The following UBE3D variants were observed in gnomAD, a reference collection of about 807,000 sequenced individuals.
UBE3D encodes E3 ubiquitin-protein ligase E3D.
In UBE3D, 48 loss-of-function variants were observed where a neutral mutation model predicts 49.6. The ratio of observed to expected loss-of-function variants is 0.97; its 90% CI spans 0.77 to 1.23. The LOEUF is 1.23. Ranked by LOEUF, UBE3D falls within the 50% of genes most tolerant of loss-of-function variation. The pLI is 0.00. For synonymous variants in UBE3D, 189 were observed against 174.2 expected (o/e 1.08, Z -0.67); for missense variants, 452 against 468.4 (o/e 0.96, Z 0.32).
At chr6:82,902,195 G>A (rs149756364) in intron 9 of UBE3D, among the ~76,000 whole-genome samples, 1 of 152,154 alleles carries the variant, frequency 6.6e-6, no homozygotes, top group Non-Finnish European at 1.5e-5. Context: ...CTGAGGAGGG[G>A]ACTATGAGAG....
At chr6:82,956,874 T>A (rs935837186) in intron 9 of UBE3D, among the ~76,000 whole-genome samples, 2 of 152,196 alleles carry the variant, frequency 1.3e-5, no homozygotes, top group African/African-American at 2.4e-5. Context: ...ATGCCAGTAA[T>A]CCCAGCACTT....
At chr6:82,976,730 C>T (rs1251859221) in intron 8 of UBE3D, among the ~76,000 whole-genome samples, 1 of 152,172 alleles carries the variant, frequency 6.6e-6, no homozygotes, top group East Asian at 1.9e-4. Flanking sequence ...ATTTCCACTT[C>T]TTCTGAAACA....
At chr6:83,063,498 TG>T (rs1784310970) in intron 1 of UBE3D, among the ~76,000 whole-genome samples, 1 of 151,290 alleles carries the variant, frequency 6.6e-6, no homozygotes, top group South Asian at 2.1e-4. Flanking sequence ...AAGGCATTTA[TG>T]TGAGAAAGCT....
Position 82,892,912 on chromosome 6 carries a change from A to G in UBE3D, c.*110T>C. On this transcript the variant is annotated 3_prime_UTR_variant, in exon 10 of 10. Transcript: ENST00000369747. ...CTTCAATGCAATGCTCTTATCCCAT[A>G]GCTCTGGTTCTTGTCTTTGTAATTG... 1 of 1,254,476 alleles carries G rather than the reference A, an allele frequency of 8.0e-7. No homozygotes were observed. The highest frequency in any genetic ancestry group is 1.2e-6 in the Non-Finnish European group (1 of 855,590). 77.7% of individuals were successfully genotyped at this position (1,254,476 alleles called of 1,614,324 possible). A position where few individuals can be genotyped will look rare whatever the true frequency, so the allele number is the denominator to read the frequency against.
chr6:82,946,525 G>A (rs935007778), intron 9 of UBE3D, among the ~76,000 whole-genome samples: 1 of 152,070 alleles, frequency 6.6e-6, no homozygotes, highest in Non-Finnish European at 1.5e-5. Flanking sequence ...ACTTCAATCA[G>A]AAAGCAAAGA....
chr6:82,957,591 G>A, intron 8 of UBE3D, 141 bp from the exon 9 acceptor site: 2 of 1,085,538 alleles, frequency 1.8e-6, no homozygotes, highest in South Asian at 3.6e-5. Context: ...AAAATTCACA[G>A]AGAACATGTC....
chr6:82,933,891 GT>G (rs201407460), intron 9 of UBE3D, among the ~76,000 whole-genome samples: 1 of 152,132 alleles, frequency 6.6e-6, no homozygotes, highest in African/African-American at 2.4e-5. Flanking sequence ...CTAAAGCCAC[GT>G]GAGTGCCTAG....
At chr6:82,918,599 GTGTACTGTCTCCTTTGTTGCTA>G (rs995425550) in intron 9 of UBE3D, among the ~76,000 whole-genome samples, 2 of 152,124 alleles carry the variant, frequency 1.3e-5, no homozygotes, top group Admixed American at 1.3e-4. Flanking sequence ...ATAAATACTA[GTGTACTGTCTCCTTTGTTGCTA>G]TGGATTTGAA....
chr6:82,918,720 G>A (rs996360554), intron 9 of UBE3D, among the ~76,000 whole-genome samples: 6 of 150,948 alleles, frequency 4.0e-5, no homozygotes, highest in African/African-American at 1.5e-4. Flanking sequence ...ACTTACATTG[G>A]TCTTATCTGA....
rs568646569 is a variant in UBE3D at position 82,918,313 on chromosome 6, C to A, written c.1150-25271G>T. ...AACAAAAAAAAAACAAAAAAATAAA[C>A]CCTTTCATTTCCTGAATCTCATTGT... is the stretch of plus-strand genomic sequence containing the variant. On this transcript the variant is annotated intron_variant, in intron 9 of 9. Coordinates refer to ENST00000369747, the MANE Select transcript of UBE3D (RefSeq NM_198920.3). 1.5e-4 allele frequency among the ~76,000 whole-genome samples: 23 copies of A among 150,394 alleles called. No homozygotes were observed. The East Asian group carries it at 4.3e-3, about 28-fold the overall frequency.
At chr6:82,893,326 C>T (rs41271563) in intron 9 of UBE3D, among the ~76,000 whole-genome samples, 2,099 of 152,162 alleles carry the variant, frequency 0.014, 25 homozygotes, top group Non-Finnish European at 0.021. Flanking sequence ...GTAATCCAGT[C>T]CTCATTTCCA....
rs773480264 is a variant in UBE3D at position 83,065,670 on chromosome 6, G to A, written c.49C>T (p.Gln17Ter). 7 of 1,613,812 alleles carry A rather than the reference G, an allele frequency of 4.3e-6. No individual in the cohort carries two copies. Among genetic ancestry groups the A allele is most frequent in the Non-Finnish European group, 5.9e-6 (7 of 1,179,858 alleles). ...AGGATCAGAAGCGCGCTCTGCAGCT[G>A]TCCCCGCACCTCCAGAAACACGCGC... Reference protein sequence around the residue: ...ETRVFLEVRGQLQSALLILGE... With the variant: ...ETRVFLEVRG The change falls in exon 1 of 10, where the codon CAG becomes TAG. Residue 17 changes from glutamine to a stop codon, truncating the protein, a stop_gained. Transcript: ENST00000369747. LOFTEE classifies it high-confidence loss of function.
At chr6:82,882,653 C>A in the UBE3D span, among the ~76,000 whole-genome samples, 1 of 152,198 alleles carries the variant, frequency 6.6e-6, no homozygotes, top group East Asian at 1.9e-4. Context: ...CCATCTGCTT[C>A]AAACTATAAC....
At chr6:82,962,873 C>G (rs1171731372) in intron 8 of UBE3D, among the ~76,000 whole-genome samples, 1 of 152,068 alleles carries the variant, frequency 6.6e-6, no homozygotes, top group African/African-American at 2.4e-5. Flanking sequence ...ATCTCAAAAC[C>G]CTTCATCTTA....
intron 8 of UBE3D, among the ~76,000 whole-genome samples, chr6:82,993,698 A>G (rs1412687770): frequency 1.3e-5 from 2 of 152,180 alleles, no homozygotes; most frequent in Non-Finnish European, 2.9e-5. Context: ...ACCCATGGTG[A>G]CAGAGGGTTA....
At chr6:82,961,489 A>G (rs1776543291) in intron 8 of UBE3D, among the ~76,000 whole-genome samples, 1 of 152,228 alleles carries the variant, frequency 6.6e-6, no homozygotes, top group African/African-American at 2.4e-5. Context: ...TGATTGTCCA[A>G]CATCATGCAG....
chr6:83,009,858 T>C (rs948321260), intron 8 of UBE3D, among the ~76,000 whole-genome samples: 1 of 150,282 alleles, frequency 6.7e-6, no homozygotes, highest in Non-Finnish European at 1.5e-5. Context: ...CAAAGAATAC[T>C]GAGCGAAAAA....
chr6:82,947,211 A>G (rs1775469307), intron 9 of UBE3D, among the ~76,000 whole-genome samples: 1 of 152,090 alleles, frequency 6.6e-6, no homozygotes, highest in Non-Finnish European at 1.5e-5. Flanking sequence ...AAAGAAGGTC[A>G]TTATATAATG....
intron 9 of UBE3D, among the ~76,000 whole-genome samples, chr6:82,925,650 G>C (rs1205893675): frequency 6.6e-6 from 1 of 151,992 alleles, no homozygotes; most frequent in Non-Finnish European, 1.5e-5. Context: ...TGGCATGTTG[G>C]GCTCTGTTCT....
Sources: gnomAD v4.1 joint callset for allele counts (sites outside exome capture counted in the v4.1 genomes callset) on GRCh38, gnomAD v4.1.1 for gene constraint, MANE v1.5 for transcripts, NCBI Gene and HGNC (gene_info 2026-07-23, HGNC 2026-07-21) for gene names.